LRBA: variants seen among roughly 807,000 people sequenced by gnomAD.
LRBA encodes the protein lipopolysaccharide-responsive and beige-like anchor protein.
Under a neutral mutation model 330.0 loss-of-function variants are expected in LRBA, and 176 were observed. The observed-to-expected ratio is 0.53, with a 90% CI of 0.47 to 0.60. LRBA has a LOEUF of 0.60. LRBA is among the 20% of genes least tolerant of loss of function. The pLI, the probability that LRBA is intolerant of heterozygous loss-of-function variation, is 0.00. For missense variants in LRBA, 3,259 were observed against 3,444.8 expected (o/e 0.95, Z 1.35); for synonymous variants, 1,230 against 1,193.0 (o/e 1.03, Z -0.64).
intron 2 of LRBA, among the ~76,000 whole-genome samples, chr4:151,002,229 T>G (rs991834755): frequency 1.0e-5 from 1 of 97,028 alleles, no homozygotes; most frequent in Non-Finnish European, 2.1e-5. Flanking sequence ...AAAGGGCACC[T>G]CCAAAGGAAC....
chr4:150,963,800 C>G (rs1347790591), intron 2 of LRBA, among the ~76,000 whole-genome samples: 1 of 146,264 alleles, frequency 6.8e-6, no homozygotes, highest in African/African-American at 2.7e-5. Context: ...CCCGGCCCCC[C>G]AGTCTGGGAA....
intron 17 of LRBA, among the ~76,000 whole-genome samples, chr4:150,874,290 T>A (rs948495477): frequency 3.9e-5 from 6 of 152,116 alleles, no homozygotes; most frequent in African/African-American, 1.4e-4. Flanking sequence ...GACCTGGAGC[T>A]AACTGGGAAA....
chr4:150,644,657 T>C (rs951948464), intron 37 of LRBA, among the ~76,000 whole-genome samples: 2 of 151,948 alleles, frequency 1.3e-5, no homozygotes, highest in African/African-American at 4.8e-5. Flanking sequence ...TACATAATGT[T>C]CCATTGTTGT....
intron 40 of LRBA, among the ~76,000 whole-genome samples, chr4:150,563,499 C>A (rs1768658751): frequency 6.6e-6 from 1 of 152,082 alleles, no homozygotes; most frequent in African/African-American, 2.4e-5. Context: ...TCTCTCACCA[C>A]TTCTATTCGA....
chr4:150,330,223 T>C (rs1733810543), intron 48 of LRBA, among the ~76,000 whole-genome samples: 1 of 152,142 alleles, frequency 6.6e-6, no homozygotes, highest in Admixed American at 6.5e-5. Context: ...CTGCCTTACA[T>C]TTTCTACCAT....
chr4:150,611,909 TTCTC>T (rs543427277), intron 37 of LRBA, among the ~76,000 whole-genome samples: 84 of 152,046 alleles, frequency 5.5e-4, no homozygotes, highest in African/African-American at 1.8e-3. Flanking sequence ...CTCTCTCTCT[TTCTC>T]TCTCTCTAAG....
At chr4:150,483,371 C>T (rs1418984190) in intron 42 of LRBA, among the ~76,000 whole-genome samples, 1 of 151,962 alleles carries the variant, frequency 6.6e-6, no homozygotes, top group Non-Finnish European at 1.5e-5. Context: ...AAATAACAAG[C>T]TATCCTAATG....
At chr4:150,301,474 T>G (rs965626643) in intron 53 of LRBA, among the ~76,000 whole-genome samples, 1 of 152,146 alleles carries the variant, frequency 6.6e-6, no homozygotes, top group African/African-American at 2.4e-5. Flanking sequence ...TAGACGTTCA[T>G]TGAATAAAAA....
chr4:150,900,617 G>T (rs1730617028), intron 13 of LRBA, among the ~76,000 whole-genome samples: 1 of 151,980 alleles, frequency 6.6e-6, no homozygotes, highest in Admixed American at 6.6e-5. Context: ...TACAACATTT[G>T]CAGAAAATCA....
At chr4:150,736,843 G>A (rs1046594961) in intron 35 of LRBA, among the ~76,000 whole-genome samples, 2 of 152,078 alleles carry the variant, frequency 1.3e-5, no homozygotes, top group African/African-American at 4.8e-5. Flanking sequence ...CAGCGGGAGA[G>A]GCCTTCAAAA....
At position 150,315,511 on chromosome 4, in the gene LRBA, G is replaced by A. The variant is rs376855034; in HGVS notation, c.7693+50C>T. On this transcript the variant is annotated intron_variant, in intron 51 of 56. Coordinates refer to ENST00000651943, the MANE Select transcript of LRBA (RefSeq NM_001364905.1). ...AAACAACTGTAATCTACACTTCAGG[G>A]CCACCATACAGAGCTTAATGAATCG... is the stretch of plus-strand genomic sequence containing the variant. The A allele has an allele frequency of 5.6e-6, 8 of 1,431,990 alleles. No homozygotes were observed. In the East Asian group the frequency reaches 1.6e-4, roughly 29 times the overall value. The allele number at this position is 1,431,990 out of a possible 1,614,324, so 88.7% of individuals were successfully genotyped here. A position where few individuals can be genotyped will look rare whatever the true frequency, so the allele number is the denominator to read the frequency against.
At chr4:150,296,233 A>T (rs903556831) in intron 53 of LRBA, among the ~76,000 whole-genome samples, 2 of 152,168 alleles carry the variant, frequency 1.3e-5, no homozygotes, top group Non-Finnish European at 2.9e-5. Context: ...GAGGAGTTTC[A>T]TATCTTTAGC....
intron 48 of LRBA, among the ~76,000 whole-genome samples, chr4:150,333,522 A>G (rs1343319918): frequency 6.6e-6 from 1 of 152,192 alleles, no homozygotes; most frequent in Non-Finnish European, 1.5e-5. Flanking sequence ...ATGTTTAAGC[A>G]TTCCAACAAG....
intron 47 of LRBA, among the ~76,000 whole-genome samples, chr4:150,379,227 C>T (rs544543936): frequency 8.8e-5 from 12 of 135,870 alleles, no homozygotes; most frequent in East Asian, 7.2e-4. Flanking sequence ...CGTTTGAACC[C>T]GGGAGGCAGA....
intron 44 of LRBA, among the ~76,000 whole-genome samples, chr4:150,461,354 T>C (rs147181156): frequency 1.3e-5 from 2 of 151,972 alleles, no homozygotes; most frequent in African/African-American, 4.8e-5. Context: ...CACATGTACA[T>C]ACACTCAAAC....
intron 48 of LRBA, among the ~76,000 whole-genome samples, chr4:150,343,112 C>T (rs1257205311): frequency 6.6e-6 from 1 of 152,114 alleles, no homozygotes; most frequent in Admixed American, 6.5e-5. Flanking sequence ...TGACATGAAG[C>T]CTGTGACAAG....
chr4:150,798,285 T>TA, intron 33 of LRBA, 143 bp from the exon 34 acceptor site: 3 of 564,086 alleles, frequency 5.3e-6, no homozygotes, highest in Non-Finnish European at 9.7e-6. Context: ...TAAGGTACAC[T>TA]ATAGTTAGTT....
At chr4:150,367,703 G>A (rs1401847017) in intron 47 of LRBA, among the ~76,000 whole-genome samples, 2 of 152,148 alleles carry the variant, frequency 1.3e-5, no homozygotes, top group East Asian at 1.9e-4. Flanking sequence ...AAAGCTATTA[G>A]GAGCTCAGCA....
intron 47 of LRBA, among the ~76,000 whole-genome samples, chr4:150,403,326 T>G (rs1209378831): frequency 1.3e-5 from 2 of 152,234 alleles, no homozygotes; most frequent in Admixed American, 6.5e-5. Flanking sequence ...ATTCAATTTC[T>G]TCTTGTGAAT....
Sources: allele counts gnomAD v4.1 joint callset (sites outside exome capture counted in the v4.1 genomes callset), GRCh38; gene constraint gnomAD v4.1.1; transcripts MANE v1.5; gene names NCBI Gene and HGNC (gene_info 2026-07-23, HGNC 2026-07-21).